Variants in MSN observed in about 807,000 individuals in gnomAD.
MSN encodes the protein moesin.
Under a neutral mutation model 48.0 loss-of-function variants are expected in MSN, and 2 were observed. That is an observed-to-expected ratio of 0.04 (90% CI 0.02 to 0.13). The LOEUF (loss-of-function observed/expected upper bound fraction) is 0.13. MSN is among the 10% of genes least tolerant of loss of function. MSN has a pLI of 1.00. For missense variants in MSN, 267 were observed against 470.1 expected (o/e 0.57, Z 3.99); for synonymous variants, 146 against 166.9 (o/e 0.87, Z 0.97).
intron 1 of MSN, 24 bp from the exon 2 acceptor site, chrX:65,716,794 C>G (rs1358164203): frequency 2.5e-6 from 3 of 1,193,610 alleles, no homozygotes; most frequent in Non-Finnish European, 3.4e-6. Context: ...GATGACTAAC[C>G]TGCTTCCTTT....
Position 65,703,833 on chromosome X carries a change from A to C in MSN, c.13-12985A>C, listed in dbSNP as rs780721411. Among the ~76,000 whole-genome samples the C allele has an allele frequency of 2.7e-5, 3 of 111,937 alleles. No homozygotes were observed. The South Asian group carries it at 1.1e-3, about 41-fold the overall frequency. ...GCGGTCTGCTTGCCTCACCCTCCCA[A>C]AGTGCTGGGATTACAGGCATGAGCC... is the stretch of plus-strand genomic sequence containing the variant. On this transcript the variant is annotated intron_variant, in intron 1 of 12. Transcript: ENST00000360270.
chrX:65,691,043 G>T (rs987432877), intron 1 of MSN, among the ~76,000 whole-genome samples: 2 of 111,101 alleles, frequency 1.8e-5, no homozygotes, highest in Non-Finnish European at 3.8e-5. Flanking sequence ...GGACACTTTG[G>T]GTTTCTTTTC....
intron 6 of MSN, 121 bp from the exon 7 acceptor site, chrX:65,733,063 A>T: frequency 2.0e-6 from 1 of 495,223 alleles, no homozygotes; most frequent in Non-Finnish European, 3.3e-6. Flanking sequence ...TTTATTTTAA[A>T]AAAAAAAAAA....
At chrX:65,622,096 C>CTTTTTT (rs757740196) in intron 1 of MSN, among the ~76,000 whole-genome samples, 6 of 90,625 alleles carry the variant, frequency 6.6e-5, no homozygotes, top group South Asian at 4.8e-4. Flanking sequence ...CTTTTCTTTT[C>CTTTTTT]TTTTTTTTTT....
At chrX:65,592,192 C>CTTTTTT (rs1176549178) in intron 1 of MSN, among the ~76,000 whole-genome samples, 29 of 76,878 alleles carry the variant, frequency 3.8e-4, no homozygotes, top group Non-Finnish European at 3.9e-4. Flanking sequence ...CTCTTCATCC[C>CTTTTTT]TTTTTTTTTT....
chrX:65,653,838 A>G (rs1444807153), intron 1 of MSN, among the ~76,000 whole-genome samples: 1 of 110,318 alleles, frequency 9.1e-6, no homozygotes, highest in Non-Finnish European at 1.9e-5. Flanking sequence ...TAGTGGCGCG[A>G]CCTCGGCTGA....
At chrX:65,613,391 A>G (rs766676437) in intron 1 of MSN, among the ~76,000 whole-genome samples, 194 of 113,605 alleles carry the variant, frequency 1.7e-3, no homozygotes, top group African/African-American at 6.1e-3. Flanking sequence ...GAATATACCC[A>G]GTAATGGATT....
chrX:65,660,635 C>T (rs1233543067), intron 1 of MSN, among the ~76,000 whole-genome samples: 9 of 105,501 alleles, frequency 8.5e-5, no homozygotes, highest in Admixed American at 7.2e-4. Context: ...GGCGCCGTCT[C>T]GGCTCACTGC....
At position 65,695,164 on chromosome X, in the gene MSN, C is replaced by T. The variant is rs189134372; in HGVS notation, c.13-21654C>T. ...GAGGGATCTTAGTTTGGTTGCCTTTCCAGGTCTATCTGTAGGTAGGCAGGT... is the reference window on the plus strand; with the variant it reads ...GAGGGATCTTAGTTTGGTTGCCTTTTCAGGTCTATCTGTAGGTAGGCAGGT... On this transcript the variant is annotated intron_variant, in intron 1 of 12. Transcript: ENST00000360270. 1.0e-4 allele frequency among the ~76,000 whole-genome samples: 11 copies of T among 109,001 alleles called. No homozygotes were observed. In the East Asian group the frequency reaches 3.2e-3, roughly 31 times the overall value. 94.7% of individuals were successfully genotyped at this position (109,001 alleles called of 115,157 possible).
intron 7 of MSN, 112 bp downstream of exon 7, chrX:65,733,392 G>T: frequency 1.8e-6 from 1 of 556,868 alleles, no homozygotes; most frequent in African/African-American, 2.3e-5. Context: ...GTGTACGTGT[G>T]TGCGCGCATG....
chrX:65,656,841 A>G (rs143688205), intron 1 of MSN, among the ~76,000 whole-genome samples: 11,463 of 110,610 alleles, frequency 0.1, 1,492 homozygotes, highest in African/African-American at 0.35. Flanking sequence ...TAGCCCAGCT[A>G]GAGGGCACGG....
intron 1 of MSN, among the ~76,000 whole-genome samples, chrX:65,709,779 T>C (rs769372316): frequency 1.8e-5 from 2 of 112,385 alleles, no homozygotes; most frequent in Non-Finnish European, 3.8e-5. Flanking sequence ...TGAAAATTAT[T>C]TCCAATATTG....
intron 1 of MSN, among the ~76,000 whole-genome samples, chrX:65,674,854 C>G (rs1462692859): frequency 8.9e-6 from 1 of 111,753 alleles, no homozygotes; most frequent in Non-Finnish European, 1.9e-5. Flanking sequence ...GACTCTGGAA[C>G]TAGACTGCCT....
chrX:65,732,959 G>A (rs1201985997), intron 6 of MSN, among the ~76,000 whole-genome samples: 1 of 111,051 alleles, frequency 9.0e-6, no homozygotes, highest in African/African-American at 3.3e-5. Context: ...GCTCACGCCT[G>A]TAATCCCAGC....
chrX:65,599,507 C>T (rs959215401), intron 1 of MSN, among the ~76,000 whole-genome samples: 4 of 111,718 alleles, frequency 3.6e-5, no homozygotes, highest in Non-Finnish European at 7.5e-5. Context: ...GTGGCATGTG[C>T]CTGTAGTCCC....
At chrX:65,625,907 C>T (rs2070499904) in intron 1 of MSN, 1 of 106,340 alleles carries the variant, frequency 9.4e-6, no homozygotes, top group African/African-American at 3.4e-5. Context: ...TCATTAGTAC[C>T]TTGTCCAAGT....
intron 1 of MSN, among the ~76,000 whole-genome samples, chrX:65,705,348 C>T (rs1025527038): frequency 1.8e-5 from 2 of 111,755 alleles, no homozygotes; most frequent in African/African-American, 6.5e-5. Flanking sequence ...AATGGCCATG[C>T]TAAGGAGCTG....
chrX:65,598,185 G>C lies in MSN; in HGVS notation c.-22+9573G>C, dbSNP rs189723838. 2.2e-3 allele frequency among the ~76,000 whole-genome samples: 239 copies of C among 110,819 alleles called. 3 individuals carry two copies. The highest frequency in any genetic ancestry group is 7.7e-3 in the African/African-American group (235 of 30,421). ...CAGAGACAGAATCAGAGAAGGAGAA[G>C]AGAGAGGCATAAAGGAAGAGGCAAA... is the stretch of plus-strand genomic sequence containing the variant. On this transcript the variant is annotated intron_variant, in intron 1 of 3. Coordinates refer to the MSN transcript ENST00000609672.
intron 1 of MSN, among the ~76,000 whole-genome samples, chrX:65,626,146 G>A (rs930495019): frequency 9.1e-6 from 1 of 109,905 alleles, no homozygotes; most frequent in African/African-American, 3.3e-5. Context: ...AGTAGAGACG[G>A]GGTTTCACCA....
Sources: gnomAD v4.1 joint callset for allele counts (sites outside exome capture counted in the v4.1 genomes callset) on GRCh38, gnomAD v4.1.1 for gene constraint, MANE v1.5 for transcripts, NCBI Gene and HGNC (gene_info 2026-07-23, HGNC 2026-07-21) for gene names.